Variants in ZNF536 observed in about 807,000 individuals in gnomAD.
ZNF536 encodes zinc finger protein 536.
ZNF536 carries 13 observed loss-of-function variants against 84.5 expected under a neutral mutation model. That is an observed-to-expected ratio of 0.15 (90% CI 0.10 to 0.24). ZNF536 has a LOEUF of 0.24. ZNF536 is among the 10% of genes least tolerant of loss of function. The probability of loss-of-function intolerance (pLI) is 1.00; values close to 1 mark genes in which losing one functional copy is unlikely to be tolerated. For missense variants in ZNF536, 1,536 were observed against 1,747.5 expected, an observed-to-expected ratio of 0.88 and a Z score of 2.16; for synonymous variants, 811 against 742.5, an observed-to-expected ratio of 1.09 and a Z score of -1.50.
chr19:30,231,589 G>A (rs2023047629), intron 1 of ZNF536, among the ~76,000 whole-genome samples: 1 of 152,174 alleles, frequency 6.6e-6, no homozygotes, highest in Non-Finnish European at 1.5e-5. Context: ...GCTCACCTGT[G>A]TGCTTCATGT....
At chr19:30,515,625 C>T (rs1244271826) in intron 2 of ZNF536, among the ~76,000 whole-genome samples, 3 of 152,084 alleles carry the variant, frequency 2.0e-5, no homozygotes, top group African/African-American at 7.2e-5. Flanking sequence ...CGGTCTTATA[C>T]CTTAGCCAGA....
chr19:30,480,425 A>G (rs2054028128), intron 2 of ZNF536, among the ~76,000 whole-genome samples: 1 of 152,088 alleles, frequency 6.6e-6, no homozygotes, highest in Admixed American at 6.6e-5. Flanking sequence ...TTTTACCATC[A>G]TTCTCAGCAA....
chr19:30,712,050 G>A (rs1417290167), exon 2 of ZNF536: 5 of 42,748 alleles, frequency 1.2e-4, no homozygotes, highest in African/African-American at 1.0e-3. Flanking sequence ...GAAATAGCTT[G>A]TATTAAAATA....
intron 2 of ZNF536, among the ~76,000 whole-genome samples, chr19:30,506,708 C>T (rs987615898): frequency 2.6e-5 from 4 of 152,244 alleles, no homozygotes; most frequent in Admixed American, 6.5e-5. Context: ...GACGGTCTGC[C>T]GAGCTGATTG....
intron 1 of ZNF536, among the ~76,000 whole-genome samples, chr19:30,423,265 A>G (rs1473970755): frequency 1.3e-5 from 2 of 151,728 alleles, no homozygotes; most frequent in Non-Finnish European, 2.9e-5. Flanking sequence ...CCATCCATTC[A>G]TCCATCTACC....
intron 2 of ZNF536, among the ~76,000 whole-genome samples, chr19:30,339,174 A>T (rs1044526485): frequency 6.6e-6 from 1 of 152,188 alleles, no homozygotes; most frequent in Non-Finnish European, 1.5e-5. Flanking sequence ...GAGCAGTGAA[A>T]AAAGGGGAGA....
At chr19:30,661,325 A>C (rs1473811363) in intron 1 of ZNF536, among the ~76,000 whole-genome samples, 1 of 152,186 alleles carries the variant, frequency 6.6e-6, no homozygotes, top group Admixed American at 6.5e-5. Flanking sequence ...GCAGAATTGA[A>C]TAGTGGTCAT....
chr19:30,578,058 G>A (rs1456185861), intron 1 of ZNF536, among the ~76,000 whole-genome samples: 1 of 152,160 alleles, frequency 6.6e-6, no homozygotes, highest in South Asian at 2.1e-4. Context: ...CTTTTGTGCT[G>A]ATAAATCCAA....
intron 1 of ZNF536, chr19:30,436,409 A>G (rs2148044054): frequency 5.4e-6 from 4 of 739,600 alleles, no homozygotes; most frequent in Non-Finnish European, 6.6e-6. Context: ...TGCCCACCCC[A>G]GTAATGTTTG....
chr19:30,618,250 T>G (rs1193989510), intron 1 of ZNF536, among the ~76,000 whole-genome samples: 5 of 152,220 alleles, frequency 3.3e-5, no homozygotes, highest in Non-Finnish European at 5.9e-5. Context: ...TGTCTCTTAG[T>G]CTAGTTAAAC....
Position 30,534,855 on chromosome 19 carries a change from G to A in ZNF536, c.2179G>A (p.Glu727Lys), listed in dbSNP as rs777103163. ...TTTCTCCTTCGCTGCAGACATTGGCGAGGAGGCTGGGAGATCTGCCGGCGT... is the reference window on the plus strand; with the variant it reads ...TTTCTCCTTCGCTGCAGACATTGGCAAGGAGGCTGGGAGATCTGCCGGCGT... The part of the protein sequence containing the change: ...PSSPSSSDIG[E>K]EAGRSAGVQQ... Residue 727 changes from glutamate (E) to lysine (K), a missense_variant, in exon 3 of 5, where the codon GAG becomes AAG. Around this residue, in one of 8 missense-constraint regions of ZNF536, gnomAD observed 148 missense variants for 205.4 expected, o/e 0.72. Transcript: ENST00000355537. The A allele has an allele frequency of 1.9e-6, 3 of 1,611,972 alleles. No individual in the cohort carries two copies. Among genetic ancestry groups the A allele is most frequent in the South Asian group, 1.1e-5 (1 of 90,620 alleles).
At chr19:30,505,290 TATAA>T (rs2055124983) in intron 2 of ZNF536, among the ~76,000 whole-genome samples, 3 of 147,668 alleles carry the variant, frequency 2.0e-5, no homozygotes, top group Admixed American at 1.4e-4. Flanking sequence ...ATAAATATTC[TATAA>T]ATATATGTTA....
intron 2 of ZNF536, among the ~76,000 whole-genome samples, chr19:30,453,564 T>G (rs1255342670): frequency 6.6e-6 from 1 of 152,220 alleles, no homozygotes; most frequent in East Asian, 1.9e-4. Flanking sequence ...GCTGTGCCTC[T>G]GAAATGTGCC....
chr19:30,679,273 C>T (rs956981589), intron 1 of ZNF536, among the ~76,000 whole-genome samples: 1 of 152,194 alleles, frequency 6.6e-6, no homozygotes, highest in African/African-American at 2.4e-5. Context: ...CCTTAACCAC[C>T]GCTTCACAGC....
intron 2 of ZNF536, among the ~76,000 whole-genome samples, chr19:30,304,319 C>A (rs1212963580): frequency 6.6e-6 from 1 of 152,242 alleles, no homozygotes; most frequent in African/African-American, 2.4e-5. Flanking sequence ...ACCATTGGAG[C>A]CGGGCTCACA....
intron 1 of ZNF536, among the ~76,000 whole-genome samples, chr19:30,604,529 T>C (rs984018439): frequency 6.6e-6 from 1 of 152,088 alleles, no homozygotes; most frequent in Non-Finnish European, 1.5e-5. Flanking sequence ...ATGTCAGGAG[T>C]TTTTGTGGAG....
At chr19:30,459,964 G>A (rs1022945054) in intron 2 of ZNF536, among the ~76,000 whole-genome samples, 1 of 152,082 alleles carries the variant, frequency 6.6e-6, no homozygotes, top group Non-Finnish European at 1.5e-5. Flanking sequence ...TGAGATTCAC[G>A]GAACTGGAAG....
At chr19:30,588,703 C>A (rs1490756565) in intron 1 of ZNF536, among the ~76,000 whole-genome samples, 1 of 152,178 alleles carries the variant, frequency 6.6e-6, no homozygotes, top group East Asian at 1.9e-4. Context: ...AGAACCTTTT[C>A]AGGCAATTGC....
chr19:30,399,679 G>GTT (rs71171801), intron 1 of ZNF536, among the ~76,000 whole-genome samples: 32,966 of 112,646 alleles, frequency 0.29, 5,138 homozygotes, highest in East Asian at 0.46. Context: ...AATAAGAAAT[G>GTT]TTTTTTTTTT....
Sources: allele counts gnomAD v4.1 joint callset (sites outside exome capture counted in the v4.1 genomes callset), GRCh38; gene constraint gnomAD v4.1.1; regional missense constraint gnomAD v4.1.1; transcripts MANE v1.5; gene names NCBI Gene and HGNC (gene_info 2026-07-23, HGNC 2026-07-21).